Variants in TIAM2 observed in about 807,000 individuals in gnomAD.
The protein encoded by TIAM2 is rho guanine nucleotide exchange factor TIAM2.
TIAM2 carries 80 observed loss-of-function variants against 152.9 expected under a neutral mutation model. The observed-to-expected ratio is 0.52, with a 90% CI of 0.44 to 0.63. TIAM2 has a LOEUF of 0.63. Ranked by LOEUF, TIAM2 falls within the 30% of genes least tolerant of loss-of-function variation. TIAM2 has a pLI of 0.00. For synonymous variants in TIAM2, 804 were observed against 838.0 expected, an observed-to-expected ratio of 0.96 and a Z score of 0.70; for missense variants, 1,965 against 2,120.1, an observed-to-expected ratio of 0.93 and a Z score of 1.44.
At chr6:155,060,800 C>G (rs1042815914) in intron 1 of TIAM2, among the ~76,000 whole-genome samples, 14 of 152,152 alleles carry the variant, frequency 9.2e-5, no homozygotes, top group African/African-American at 3.4e-4. Context: ...GAGGCTGAGG[C>G]AGGAGAATCA....
At chr6:155,033,297 C>T (rs998165456) in intron 1 of TIAM2, among the ~76,000 whole-genome samples, 3 of 152,174 alleles carry the variant, frequency 2.0e-5, no homozygotes, top group Admixed American at 6.5e-5. Context: ...AGCATGGTTA[C>T]GTTTTAGGTT....
chr6:155,057,611 A>G lies in TIAM2; in HGVS notation c.-208-32678A>G, dbSNP rs550856894. Among the ~76,000 whole-genome samples the G allele has an allele frequency of 2.9e-4, 36 of 124,744 alleles. No homozygotes were observed. In the South Asian group the frequency reaches 8.8e-3, roughly 31 times the overall value. 81.8% of individuals were successfully genotyped at this position (124,744 alleles called of 152,430 possible). On this transcript the variant is annotated intron_variant, in intron 1 of 26. Transcript: ENST00000682666. Reference sequence around the variant, plus strand: ...GCCCAGGCTGGAGTGCAGTGACGTGATCTTGCTCACTGCAACCTCTGCTTC... The same window carrying G: ...GCCCAGGCTGGAGTGCAGTGACGTGGTCTTGCTCACTGCAACCTCTGCTTC...
At chr6:155,130,520 G>C (rs1051757491) in intron 4 of TIAM2, 103 bp downstream of exon 4, 3 of 1,079,198 alleles carry the variant, frequency 2.8e-6, no homozygotes, top group Non-Finnish European at 3.9e-6. Context: ...GGGTGCTTAA[G>C]TGATCTGGCA....
rs200425083 is a variant in TIAM2 at position 155,248,102 on chromosome 6, T to C, written c.3755T>C (p.Val1252Ala). The change falls in exon 20 of 27, where the codon GTG becomes GCG. Residue 1252 changes from valine to alanine, a missense_variant. By Grantham distance (64) the Val-to-Ala change is moderately conservative. This residue lies in a region of TIAM2 where 935 missense variants were observed against 980.0 expected (regional missense o/e 0.95). Transcript: ENST00000682666. ...ESYLIKPVQR[V>A]LKYPLLLKEL... The stretch of plus-strand genomic sequence containing the variant: ...TACCTCATCAAGCCGGTTCAGAGAG[T>C]GCTCAAGTACCCGCTGCTGCTCAAG... The C allele has an allele frequency of 1.9e-6, 3 of 1,614,008 alleles. No individual in the cohort carries two copies. Among genetic ancestry groups the C allele is most frequent in the Non-Finnish European group, 1.7e-6 (2 of 1,180,008 alleles).
At chr6:155,173,143 T>C (rs935178648) in intron 9 of TIAM2, among the ~76,000 whole-genome samples, 1 of 151,590 alleles carries the variant, frequency 6.6e-6, no homozygotes, top group Non-Finnish European at 1.5e-5. Context: ...GTTTTACTTT[T>C]CTTGAACTGT....
intron 14 of TIAM2, among the ~76,000 whole-genome samples, chr6:155,196,759 C>T (rs1390848928): frequency 4.6e-5 from 7 of 152,156 alleles, no homozygotes; most frequent in African/African-American, 1.7e-4. Context: ...ACATCAGTTC[C>T]TTTCATTTCA....
chr6:155,211,199 T>A lies in TIAM2; in HGVS notation c.3065-5T>A. On this transcript the variant is annotated splice_polypyrimidine_tract_variant and splice_region_variant and intron_variant, in intron 14 of 26. Coordinates refer to ENST00000682666, the MANE Select transcript of TIAM2 (RefSeq NM_012454.4). ...TCATATATGTTTTTGTCATTTTTTA[T>A]GCAGATTTCAGCAACGTCCCTGATA... The A allele has an allele frequency of 1.2e-6, 2 of 1,612,450 alleles. No individual in the cohort carries two copies. Among genetic ancestry groups the A allele is most frequent in the Non-Finnish European group, 1.7e-6 (2 of 1,178,774 alleles).
rs557856082 is a variant in TIAM2 at position 155,044,195 on chromosome 6, A to T, written c.-208-46094A>T. 8.5e-5 allele frequency among the ~76,000 whole-genome samples: 13 copies of T among 152,294 alleles called. No homozygotes were observed. In the East Asian group the frequency reaches 2.5e-3, roughly 29 times the overall value. On this transcript the variant is annotated intron_variant, in intron 1 of 26. Transcript: ENST00000682666. Reference sequence around the variant, plus strand: ...TGAAAGTTTCACTGTTTTTCACAGAAGATAAATACAAGAGGTCACTCGTCC... The same window carrying T: ...TGAAAGTTTCACTGTTTTTCACAGATGATAAATACAAGAGGTCACTCGTCC...
chr6:155,245,633 T>C lies in TIAM2; in HGVS notation c.3554T>C (p.Phe1185Ser), dbSNP rs1216881239. ...CCTCTGCCCTTCTAGAAATTACTGT[T>C]TTCCCTTGGAGGCTCTTTCCTTTAT... ...ETPSQFRKLLFSLGGSFLYYA... is the reference protein window; with the variant it reads ...ETPSQFRKLLSSLGGSFLYYA... Residue 1185 changes from phenylalanine to serine, a missense_variant, in exon 19 of 27, where the codon TTT (phenylalanine) becomes TCT (serine). Physicochemically the swap from Phe to Ser is radical, Grantham distance 155. Coordinates refer to ENST00000682666, the MANE Select transcript of TIAM2 (RefSeq NM_012454.4). 2 of 1,613,978 alleles carry C rather than the reference T, an allele frequency of 1.2e-6. No homozygotes were observed. Among genetic ancestry groups the C allele is most frequent in the Non-Finnish European group, 1.7e-6 (2 of 1,179,818 alleles).
In TIAM2 at chr6:155,164,133, G is replaced by GTTTTTTTTTTTTTTTTTTT. The variant is rs375238178; in HGVS notation, c.2029-270_2029-269insTTTTTTTTTTTTTTTTTTT. ...TGGCACCACACCAGCTAATTTTTGT[G>GTTTTTTTTTTTTTTTTTTT]TTTTTTTTTTTTCTTTTTTTTAGTA... is the stretch of plus-strand genomic sequence containing the variant. On this transcript the variant is annotated intron_variant, in intron 7 of 26. Coordinates refer to ENST00000682666, the MANE Select transcript of TIAM2 (RefSeq NM_012454.4). Among the ~76,000 whole-genome samples the GTTTTTTTTTTTTTTTTTTT allele has an allele frequency of 2.3e-4, 27 of 118,030 alleles. 3 individuals are homozygous for GTTTTTTTTTTTTTTTTTTT. Among genetic ancestry groups the GTTTTTTTTTTTTTTTTTTT allele is most frequent in the Admixed American group, 4.6e-4 (4 of 8,686 alleles). 77.4% of individuals were successfully genotyped at this position (118,030 alleles called of 152,430 possible). A position where few individuals can be genotyped will look rare whatever the true frequency, so the allele number is the denominator to read the frequency against.
At chr6:154,998,376 G>C (rs1778257023) in intron 1 of TIAM2, among the ~76,000 whole-genome samples, 1 of 152,128 alleles carries the variant, frequency 6.6e-6, no homozygotes, top group Non-Finnish European at 1.5e-5. Context: ...AGTAAGAAGG[G>C]TTTGAGTCTG....
rs563107363 is a variant in TIAM2, at chr6:155,186,181, G to A, written c.3064+2681G>A. On this transcript the variant is annotated intron_variant, in intron 14 of 26. Coordinates refer to ENST00000682666, the MANE Select transcript of TIAM2 (RefSeq NM_012454.4). This position sits in a 1 kb window ranked among gnomAD's most constrained non-coding sequence, Gnocchi z 4.5. ...TGTGGAAACTCTGAGAGATGGCAGG[G>A]TGACAAGCATACAGGTTTTGAGTCA... Among the ~76,000 whole-genome samples the A allele has an allele frequency of 6.6e-6, 1 of 152,326 alleles. No individual in the cohort carries two copies. Among genetic ancestry groups the A allele is most frequent in the African/African-American group, 2.4e-5 (1 of 41,574 alleles).
chr6:155,173,197 GTGTGTC>G (rs750476729), intron 9 of TIAM2, among the ~76,000 whole-genome samples: 6 of 147,126 alleles, frequency 4.1e-5, no homozygotes, highest in Admixed American at 6.7e-5. Context: ...GTGTGTGTGT[GTGTGTC>G]TGTCTGTCTG....
chr6:155,221,126 G>T (rs74427669), intron 15 of TIAM2, among the ~76,000 whole-genome samples: 63 of 108,878 alleles, frequency 5.8e-4, no homozygotes, highest in South Asian at 1.2e-3. Context: ...TTTTTTTTTT[G>T]AAAAAAAAAA....
At chr6:155,155,952 C>T (rs938673187) in intron 7 of TIAM2, among the ~76,000 whole-genome samples, 8 of 152,164 alleles carry the variant, frequency 5.3e-5, no homozygotes, top group African/African-American at 1.9e-4. Flanking sequence ...GTGACAGTGG[C>T]ACCTGCTAGA....
At chr6:155,243,291 A>G (rs766108184) in intron 16 of TIAM2, among the ~76,000 whole-genome samples, 1 of 152,124 alleles carries the variant, frequency 6.6e-6, no homozygotes, top group Non-Finnish European at 1.5e-5. Context: ...TCCATGCTGG[A>G]CCTCTCACTG....
chr6:155,143,056 C>T (rs1779746875), intron 5 of TIAM2, among the ~76,000 whole-genome samples: 1 of 152,202 alleles, frequency 6.6e-6, no homozygotes, highest in Non-Finnish European at 1.5e-5. Flanking sequence ...GGGCCCCAGG[C>T]ATTTGTTTAC....
intron 15 of TIAM2, among the ~76,000 whole-genome samples, chr6:155,226,319 GC>G (rs1432969697): frequency 3.9e-5 from 6 of 152,232 alleles, no homozygotes; most frequent in Non-Finnish European, 5.9e-5. Context: ...AGCCTCAGTA[GC>G]CCCCTTGGCT....
chr6:155,089,827 A>G (rs1476869331), intron 1 of TIAM2, among the ~76,000 whole-genome samples: 1 of 152,162 alleles, frequency 6.6e-6, no homozygotes, highest in African/African-American at 2.4e-5. Context: ...AATGGAGCTC[A>G]GTGAGAGCGA....
Sources: gnomAD v4.1 joint callset for allele counts (sites outside exome capture counted in the v4.1 genomes callset) on GRCh38, gnomAD v4.1.1 for gene constraint, gnomAD v4.1.1 regional missense constraint, Gnocchi (gnomAD v3.1) non-coding constraint, MANE v1.5 for transcripts, NCBI Gene and HGNC (gene_info 2026-07-23, HGNC 2026-07-21) for gene names.